Variants in DPYSL3 observed in about 807,000 individuals in gnomAD.
DPYSL3 encodes dihydropyrimidinase like 3.
In DPYSL3, 16 loss-of-function variants were observed where a neutral mutation model predicts 66.1. The ratio of observed to expected loss-of-function variants is 0.24; its 90% CI spans 0.16 to 0.37. The LOEUF is 0.37. Among genes scored for constraint, DPYSL3 ranks in the 10% least tolerant of loss-of-function variants. DPYSL3 has a pLI of 1.00. For synonymous variants in DPYSL3, 338 were observed against 345.1 expected, an observed-to-expected ratio of 0.98 and a Z score of 0.23; for missense variants, 738 against 916.2, an observed-to-expected ratio of 0.81 and a Z score of 2.51.
chr5:147,445,223 G>C (rs1048226334), intron 1 of DPYSL3, among the ~76,000 whole-genome samples: 1 of 152,196 alleles, frequency 6.6e-6, no homozygotes, highest in East Asian at 1.9e-4. Context: ...AAGAGGACTG[G>C]AGGCCAGACA....
At chr5:147,497,871 A>T (rs1753544680) in intron 1 of DPYSL3, among the ~76,000 whole-genome samples, 1 of 151,764 alleles carries the variant, frequency 6.6e-6, no homozygotes, top group Non-Finnish European at 1.5e-5. Context: ...TTTCACCACA[A>T]CTTTTCTTTG....
Position 147,393,442 on chromosome 5 carries a change from A to G in DPYSL3, c.*593T>C, listed in dbSNP as rs528911748. 31 of 152,700 alleles carry G rather than the reference A, an allele frequency of 2.0e-4. No homozygotes were observed. Among genetic ancestry groups the G allele is most frequent in the African/African-American group, 7.2e-4 (30 of 41,572 alleles). The allele number at this position is 152,700 out of a possible 1,614,324, so 9.5% of individuals were successfully genotyped here. On this transcript the variant is annotated 3_prime_UTR_variant, in exon 14 of 14. Coordinates refer to ENST00000343218, the MANE Select transcript of DPYSL3 (RefSeq NM_001197294.2). Reference sequence around the variant, plus strand: ...TTGTAGGGGACGTGACAAAGAACAGAACCCAAAGACTGCCTGCCTTCTCGG... The same window carrying G: ...TTGTAGGGGACGTGACAAAGAACAGGACCCAAAGACTGCCTGCCTTCTCGG...
chr5:147,449,888 T>C (rs913352106), intron 1 of DPYSL3, among the ~76,000 whole-genome samples: 1 of 152,198 alleles, frequency 6.6e-6, no homozygotes, highest in African/African-American at 2.4e-5. Context: ...TGATGGTGAC[T>C]ACTATTTCAA....
intron 4 of DPYSL3, 67 bp from the exon 5 acceptor site, chr5:147,413,724 T>A: frequency 1.5e-6 from 2 of 1,330,386 alleles, no homozygotes; most frequent in Non-Finnish European, 2.1e-6. Flanking sequence ...CTCCATCCTT[T>A]GCTCCCACTT....
chr5:147,401,477 C>T (rs1442305331), intron 9 of DPYSL3, 63 bp downstream of exon 9: 2 of 1,519,148 alleles, frequency 1.3e-6, no homozygotes, highest in Admixed American at 2.1e-5. Flanking sequence ...CTGTCCTCAA[C>T]CCCCAGCTGG....
chr5:147,404,611 C>G (rs1758283872), intron 8 of DPYSL3, among the ~76,000 whole-genome samples: 12 of 152,182 alleles, frequency 7.9e-5, no homozygotes, highest in Admixed American at 7.9e-4. Context: ...CTGCACTCGT[C>G]CCTTACCCAG....
At chr5:147,414,332 T>C (rs1751918719) in intron 4 of DPYSL3, among the ~76,000 whole-genome samples, 1 of 152,174 alleles carries the variant, frequency 6.6e-6, no homozygotes, top group Non-Finnish European at 1.5e-5. Flanking sequence ...TTAAATATCT[T>C]AAGTTGTAAG....
At chr5:147,466,140 T>C (rs1184287647) in intron 1 of DPYSL3, among the ~76,000 whole-genome samples, 1 of 152,142 alleles carries the variant, frequency 6.6e-6, no homozygotes, top group Non-Finnish European at 1.5e-5. Flanking sequence ...TTAGCTAGAG[T>C]AAAATATTGG....
intron 1 of DPYSL3, among the ~76,000 whole-genome samples, chr5:147,500,819 A>G (rs567360260): frequency 1.3e-5 from 2 of 152,218 alleles, no homozygotes; most frequent in Non-Finnish European, 2.9e-5. Flanking sequence ...GACAACATCA[A>G]ATGCTGGTGA....
chr5:147,484,873 G>A (rs1753307155), intron 1 of DPYSL3, among the ~76,000 whole-genome samples: 1 of 152,198 alleles, frequency 6.6e-6, no homozygotes, highest in Non-Finnish European at 1.5e-5. Context: ...ACAAGGAGTG[G>A]TCAGCATCCA....
intron 7 of DPYSL3, among the ~76,000 whole-genome samples, chr5:147,406,922 G>C (rs1561775561): frequency 6.6e-6 from 1 of 152,156 alleles, no homozygotes. Context: ...GGCTGAGCTG[G>C]CCTCCCCCAA....
intron 1 of DPYSL3, among the ~76,000 whole-genome samples, chr5:147,435,213 C>T (rs1325862561): frequency 1.3e-5 from 2 of 152,202 alleles, no homozygotes; most frequent in Non-Finnish European, 2.9e-5. Context: ...AGGTAAATAG[C>T]TGATTTGTAC....
At chr5:147,417,573 T>C (rs1402170542) in intron 3 of DPYSL3, among the ~76,000 whole-genome samples, 5 of 152,148 alleles carry the variant, frequency 3.3e-5, no homozygotes, top group Non-Finnish European at 5.9e-5. Context: ...GGGATGTATA[T>C]GGTGTTAAAA....
intron 6 of DPYSL3, among the ~76,000 whole-genome samples, chr5:147,412,095 C>T (rs766502118): frequency 2.0e-5 from 3 of 152,182 alleles, no homozygotes; most frequent in Admixed American, 6.5e-5. Context: ...GGGGCCCTCA[C>T]TTTCGTCACT....
chr5:147,453,639 G>C (rs780069433), intron 1 of DPYSL3: 45 of 1,511,040 alleles, frequency 3.0e-5, no homozygotes, highest in African/African-American at 1.9e-4. Flanking sequence ...CTTCTGCTCC[G>C]GCTCGCCCGC....
intron 12 of DPYSL3, among the ~76,000 whole-genome samples, chr5:147,397,199 T>G (rs2152015234): frequency 6.9e-6 from 1 of 144,588 alleles, no homozygotes; most frequent in Non-Finnish European, 1.5e-5. Context: ...TACACACATA[T>G]CTCTGTGTGT....
intron 8 of DPYSL3, 62 bp from the exon 9 acceptor site, chr5:147,401,758 C>G (rs868076000): frequency 7.5e-6 from 12 of 1,590,430 alleles, no homozygotes; most frequent in Middle Eastern, 1.7e-4. Flanking sequence ...TGGGCCAAGC[C>G]TATTTAATTT....
chr5:147,410,612 A>G (rs1391341241), intron 6 of DPYSL3, among the ~76,000 whole-genome samples: 1 of 152,174 alleles, frequency 6.6e-6, no homozygotes, highest in Non-Finnish European at 1.5e-5. Flanking sequence ...GGCTTGGCGT[A>G]TAGTAGATGC....
At chr5:147,436,859 A>G (rs1752422374) in intron 1 of DPYSL3, among the ~76,000 whole-genome samples, 1 of 152,238 alleles carries the variant, frequency 6.6e-6, no homozygotes, top group Non-Finnish European at 1.5e-5. Context: ...TAATAGACAC[A>G]GGAAACAGAA....
Sources: gnomAD v4.1 joint callset for allele counts (sites outside exome capture counted in the v4.1 genomes callset) on GRCh38, gnomAD v4.1.1 for gene constraint, MANE v1.5 for transcripts, NCBI Gene and HGNC (gene_info 2026-07-23, HGNC 2026-07-21) for gene names.